The following ATG5 variants were observed in gnomAD, a reference collection of about 807,000 sequenced individuals.
ATG5 encodes the protein autophagy protein 5.
In ATG5, 14 loss-of-function variants were observed where a neutral mutation model predicts 36.5. The ratio of observed to expected loss-of-function variants is 0.38; its 90% confidence interval spans 0.25 to 0.60. ATG5 has a LOEUF of 0.60. ATG5 is among the 20% of genes least tolerant of loss of function. The pLI, the probability that ATG5 is intolerant of heterozygous loss-of-function variation, is 0.60. For synonymous variants in ATG5, 95 were observed against 101.5 expected (o/e 0.94, Z 0.38); for missense variants, 195 against 326.7 (o/e 0.60, Z 3.11).
chr6:106,269,151 A>C (rs1447123302), intron 5 of ATG5, among the ~76,000 whole-genome samples: 1 of 152,146 alleles, frequency 6.6e-6, no homozygotes, highest in Non-Finnish European at 1.5e-5. Flanking sequence ...AAGTGTCGAC[A>C]CAAAGGTTCT....
At position 106,218,749 on chromosome 6, in the gene ATG5, C is replaced by T. The variant is rs1320509063; in HGVS notation, c.574-16660G>A. Among the ~76,000 whole-genome samples the T allele has an allele frequency of 2.0e-5, 3 of 152,238 alleles. No homozygotes were observed. The South Asian group carries it at 6.2e-4, about 32-fold the overall frequency. ...CAAGCTGATTCTAAGTTACTTTAAA[C>T]ATGTATGCAGAGTCAGAATATGACT... is the stretch of plus-strand genomic sequence containing the variant. On this transcript the variant is annotated intron_variant, in intron 6 of 7. Transcript: ENST00000369076.
intron 6 of ATG5, among the ~76,000 whole-genome samples, chr6:106,221,700 A>G (rs1443441514): frequency 7.0e-6 from 1 of 141,894 alleles, no homozygotes; most frequent in Non-Finnish European, 1.5e-5. Flanking sequence ...AAAAAAAAAA[A>G]AAGAAAGAAA....
At chr6:106,214,466 T>A (rs574257343) in intron 6 of ATG5, among the ~76,000 whole-genome samples, 1 of 152,284 alleles carries the variant, frequency 6.6e-6, no homozygotes, top group South Asian at 2.1e-4. Context: ...TAAAAAATAA[T>A]AATTAACATT....
chr6:106,283,079 C>T (rs575355679), intron 4 of ATG5, among the ~76,000 whole-genome samples: 129 of 152,216 alleles, frequency 8.5e-4, no homozygotes, highest in African/African-American at 3.1e-3. Flanking sequence ...GCATGAGCCA[C>T]TGCACCTGGC....
intron 6 of ATG5, among the ~76,000 whole-genome samples, chr6:106,209,851 A>T (rs114491261): frequency 0.02 from 3,115 of 152,242 alleles, 97 homozygotes; most frequent in African/African-American, 0.071. Context: ...CAAAATAAAA[A>T]TTTTTTTCAA....
intron 6 of ATG5, among the ~76,000 whole-genome samples, chr6:106,243,964 G>C (rs896174334): frequency 4.0e-5 from 5 of 123,900 alleles, no homozygotes; most frequent in African/African-American, 1.5e-4. Context: ...GCCCAGGCTT[G>C]AGTGTAGTGG....
chr6:106,300,085 T>A (rs1180740352), intron 3 of ATG5, among the ~76,000 whole-genome samples: 2 of 152,188 alleles, frequency 1.3e-5, no homozygotes, highest in Non-Finnish European at 2.9e-5. Flanking sequence ...AGTTCAAAAA[T>A]AATGAAGGGA....
intron 4 of ATG5, among the ~76,000 whole-genome samples, chr6:106,281,418 C>T (rs900248764): frequency 1.3e-5 from 2 of 152,156 alleles, no homozygotes; most frequent in South Asian, 2.1e-4. Context: ...AATAAAATCT[C>T]ATATAAACAG....
chr6:106,305,167 G>A (rs1770394004), intron 3 of ATG5, among the ~76,000 whole-genome samples: 1 of 151,674 alleles, frequency 6.6e-6, no homozygotes, highest in African/African-American at 2.4e-5. Context: ...CTCACACAGA[G>A]TCTGCTAGCC....
At chr6:106,254,320 A>G (rs1182499099) in intron 5 of ATG5, among the ~76,000 whole-genome samples, 1 of 152,182 alleles carries the variant, frequency 6.6e-6, no homozygotes, top group East Asian at 1.9e-4. Context: ...TGCAATTTAC[A>G]TGTTTAAGTA....
chr6:106,273,653 T>C (rs1159905873), intron 5 of ATG5, among the ~76,000 whole-genome samples: 2 of 152,206 alleles, frequency 1.3e-5, no homozygotes, highest in Non-Finnish European at 2.9e-5. Flanking sequence ...TGACCTGCCA[T>C]GATCATACAA....
intron 3 of ATG5, among the ~76,000 whole-genome samples, chr6:106,297,021 G>A (rs1041772901): frequency 1.3e-5 from 2 of 152,182 alleles, no homozygotes; most frequent in African/African-American, 4.8e-5. Flanking sequence ...TGACAATAGT[G>A]AAATTGATCA....
At chr6:106,234,377 G>A (rs890644413) in intron 6 of ATG5, among the ~76,000 whole-genome samples, 1 of 152,100 alleles carries the variant, frequency 6.6e-6, no homozygotes, top group Admixed American at 6.5e-5. Context: ...CCCTGTACCT[G>A]AACAATGGAA....
At chr6:106,231,033 C>G (rs972926602) in intron 6 of ATG5, among the ~76,000 whole-genome samples, 1 of 151,902 alleles carries the variant, frequency 6.6e-6, no homozygotes, top group Non-Finnish European at 1.5e-5. Context: ...AAGGACCCCC[C>G]TTCAACCCAA....
intron 2 of ATG5, among the ~76,000 whole-genome samples, chr6:106,310,260 C>T (rs995077164): frequency 2.0e-5 from 3 of 152,084 alleles, no homozygotes; most frequent in African/African-American, 7.2e-5. Context: ...TAAAAGAATA[C>T]TCATTTTTAA....
intron 5 of ATG5, among the ~76,000 whole-genome samples, chr6:106,251,707 A>AAAAG (rs776884700): frequency 8.1e-6 from 1 of 123,622 alleles, no homozygotes; most frequent in South Asian, 2.9e-4. Context: ...AAGAAAGAGA[A>AAAAG]AAAGAAAGAA....
At chr6:106,253,263 T>TA (rs1326504856) in intron 5 of ATG5, among the ~76,000 whole-genome samples, 1 of 152,156 alleles carries the variant, frequency 6.6e-6, no homozygotes, top group Non-Finnish European at 1.5e-5. Flanking sequence ...AATCAGCCCT[T>TA]GAAAATTCAT....
At chr6:106,231,913 A>G (rs1234165393) in intron 6 of ATG5, among the ~76,000 whole-genome samples, 1 of 152,212 alleles carries the variant, frequency 6.6e-6, no homozygotes, top group African/African-American at 2.4e-5. Flanking sequence ...GGGAAAAGCT[A>G]GGCAAATCAA....
At chr6:106,219,141 T>C (rs1256466689) in intron 6 of ATG5, among the ~76,000 whole-genome samples, 1 of 152,216 alleles carries the variant, frequency 6.6e-6, no homozygotes, top group Non-Finnish European at 1.5e-5. Context: ...AAATAATCTA[T>C]GTTCCTCTTA....
Sources: gnomAD v4.1 joint callset for allele counts (sites outside exome capture counted in the v4.1 genomes callset) on GRCh38, gnomAD v4.1.1 for gene constraint, MANE v1.5 for transcripts, NCBI Gene and HGNC (gene_info 2026-07-23, HGNC 2026-07-21) for gene names.